Variants in CIROP observed in about 807,000 individuals in gnomAD.
CIROP encodes leishmanolysin homolog.
the CIROP span, chr14:23,100,788 G>T: frequency 2.5e-6 from 1 of 398,962 alleles, no homozygotes; most frequent in Non-Finnish European, 4.4e-6. Flanking sequence ...TCAGAGGAGA[G>T]TCATAAAGTA....
chr14:23,102,637 C>G, the CIROP span: 3 of 702,910 alleles, frequency 4.3e-6, no homozygotes. Context: ...ACCACTGAAT[C>G]CTGAGGGGCA....
At chr14:23,102,063 CCT>C in the CIROP span, 2 of 702,006 alleles carry the variant, frequency 2.8e-6, no homozygotes, top group African/African-American at 1.7e-5. Flanking sequence ...GTCATGAGTG[CCT>C]CTCTGCAGGT....
the CIROP span, chr14:23,101,781 G>A: frequency 7.1e-6 from 5 of 702,764 alleles, no homozygotes; most frequent in African/African-American, 1.7e-5. Context: ...TGGAATGGAT[G>A]GTAGAGTGAC....
the CIROP span, chr14:23,104,093 A>T: frequency 3.4e-6 from 2 of 588,006 alleles, no homozygotes; most frequent in Non-Finnish European, 6.0e-6. Flanking sequence ...GATCCCTGAG[A>T]CTGAGAGGTG....
At chr14:23,104,893 GCA>G in the CIROP span, 1 of 607,042 alleles carries the variant, frequency 1.6e-6, no homozygotes, top group Non-Finnish European at 2.9e-6. Flanking sequence ...GGCGGCAGCA[GCA>G]GCAGCAGCAG....
the CIROP span, chr14:23,100,093 A>C: frequency 6.3e-6 from 1 of 158,794 alleles, no homozygotes; most frequent in African/African-American, 2.4e-5. Flanking sequence ...TGTCTCTATC[A>C]AAAATACAAA....
chr14:23,104,158 G>A, the CIROP span: 1 of 595,186 alleles, frequency 1.7e-6, no homozygotes, highest in Non-Finnish European at 3.0e-6. Context: ...ACTTATTTCT[G>A]GTTTTCCTCT....
At chr14:23,104,396 T>C in the CIROP span, 1 of 702,996 alleles carries the variant, frequency 1.4e-6, no homozygotes, top group Non-Finnish European at 2.6e-6. Context: ...TGTGGTAGTT[T>C]GGGCTATCTG....
At chr14:23,100,274 G>A in the CIROP span, 3 of 377,650 alleles carry the variant, frequency 7.9e-6, no homozygotes, top group South Asian at 4.5e-4. Flanking sequence ...GAAGAAAAAG[G>A]TGGGGGGAGG....
chr14:23,104,682 G>A, the CIROP span: 1 of 702,966 alleles, frequency 1.4e-6, no homozygotes, highest in Admixed American at 2.0e-5. Context: ...TTCTCCCTCA[G>A]GATCCCAAGC....
chr14:23,102,715 T>C, the CIROP span: 1 of 702,978 alleles, frequency 1.4e-6, no homozygotes, highest in South Asian at 1.5e-5. Flanking sequence ...TAATGTGGCC[T>C]AAGGACAAAT....
chr14:23,102,484 C>T, the CIROP span: 3 of 700,986 alleles, frequency 4.3e-6, no homozygotes, highest in Non-Finnish European at 7.8e-6. Flanking sequence ...GAACAGTTCT[C>T]TCTAACTGCA....
At chr14:23,100,535 T>C in the CIROP span, 1 of 412,440 alleles carries the variant, frequency 2.4e-6, no homozygotes, top group East Asian at 3.6e-5. Flanking sequence ...GGCTCCTCCA[T>C]GATACACTTC....
At chr14:23,102,422 G>A in the CIROP span, 1 of 702,982 alleles carries the variant, frequency 1.4e-6, no homozygotes, top group Admixed American at 2.0e-5. Context: ...CAGCTGGGGT[G>A]GTGAGAAGCA....
At chr14:23,102,410 A>C in the CIROP span, 1 of 702,874 alleles carries the variant, frequency 1.4e-6, no homozygotes, top group Admixed American at 2.0e-5. Context: ...GGCTGAGGCT[A>C]ACAGCTGGGG....
At chr14:23,103,527 C>T in the CIROP span, 317 of 592,208 alleles carry the variant, frequency 5.4e-4, no homozygotes, top group Non-Finnish European at 4.3e-4. Context: ...GTACTCCAGC[C>T]TGGGCAACAG....
the CIROP span, chr14:23,103,855 T>C: frequency 1.3e-5 from 9 of 693,192 alleles, no homozygotes; most frequent in East Asian, 2.4e-4. Flanking sequence ...GCAGAGGGGC[T>C]GGAACAGTAG....
At chr14:23,100,860 C>T in the CIROP span, 7 of 398,872 alleles carry the variant, frequency 1.8e-5, no homozygotes, top group Admixed American at 8.8e-5. Context: ...CTGCCAGTGC[C>T]GCCTTTGCTC....
chr14:23,100,694 T>C, the CIROP span: 2 of 399,044 alleles, frequency 5.0e-6, no homozygotes, highest in Non-Finnish European at 8.8e-6. Flanking sequence ...AAATGGACAT[T>C]TGAATCTTTT....
Sources: gnomAD v4.1 joint callset for allele counts on GRCh38, gnomAD v4.1.1 for gene constraint, MANE v1.5 for transcripts, NCBI Gene and HGNC (gene_info 2026-07-23, HGNC 2026-07-21) for gene names.